CCNG1: variants seen among roughly 807,000 people sequenced by gnomAD.
The protein encoded by CCNG1 is cyclin-G1.
In CCNG1, 13 loss-of-function variants were observed where a neutral mutation model predicts 30.0. The ratio of observed to expected loss-of-function variants is 0.43; its 90% CI spans 0.28 to 0.69. CCNG1 has a LOEUF of 0.69. CCNG1 is among the 30% of genes least tolerant of loss of function. The probability of loss-of-function intolerance (pLI) is 0.16; values close to 1 mark genes in which losing one functional copy is unlikely to be tolerated. For synonymous variants in CCNG1, 110 were observed against 121.5 expected, an observed-to-expected ratio of 0.91 and a Z score of 0.62; for missense variants, 285 against 331.4, an observed-to-expected ratio of 0.86 and a Z score of 1.09.
chr5:163,441,464 T>G lies in CCNG1; in HGVS notation c.518+133T>G, dbSNP rs1184381783. On this transcript the variant is annotated intron_variant, in intron 3 of 6. Transcript: ENST00000340828. ...ATGACAGCTGTGGCTCCTTGAACTT[T>G]AATGTCCATCATAAGTGAGAAAATG... 3 of 785,106 alleles carry G rather than the reference T, an allele frequency of 3.8e-6. No homozygotes were observed. The Admixed American group carries it at 9.6e-5, about 25-fold the overall frequency. The allele number at this position is 785,106 out of a possible 1,614,324, so 48.6% of individuals were successfully genotyped here.
intron 2 of CCNG1, 85 bp from the exon 3 acceptor site, chr5:163,440,993 G>GGGTC: frequency 7.3e-7 from 1 of 1,361,962 alleles, no homozygotes; most frequent in South Asian, 1.4e-5. Context: ...TCAAAATGTT[G>GGGTC]GGTCGGAGTT....
chr5:163,445,326 G>A (rs1279963046), downstream of CCNG1, among the ~76,000 whole-genome samples: 1 of 142,322 alleles, frequency 7.0e-6, no homozygotes, highest in African/African-American at 2.6e-5. Context: ...CTGACACTTT[G>A]TTTTGTTTTT....
chr5:163,440,313 T>C (rs1757739619), intron 2 of CCNG1, among the ~76,000 whole-genome samples: 1 of 152,190 alleles, frequency 6.6e-6, no homozygotes, highest in African/African-American at 2.4e-5. Flanking sequence ...GTTGCACAAA[T>C]GAATAATATA....
At chr5:163,451,427 T>G in the CCNG1 span, 5 of 152,168 alleles carry the variant, frequency 3.3e-5, no homozygotes, top group East Asian at 9.6e-4. Flanking sequence ...CGAGAGTTTT[T>G]ACGGTGATTG....
Position 163,443,958 on chromosome 5 carries a change from C to T in CCNG1, c.*288C>T. On this transcript the variant is annotated 3_prime_UTR_variant, in exon 7 of 7. Coordinates refer to ENST00000340828, the MANE Select transcript of CCNG1 (RefSeq NM_004060.4). ...GTGAATCTTCATTTCTATCATTGAT[C>T]TAACTTTAGATATTGGATCAATATA... The T allele has an allele frequency of 4.5e-6, 2 of 445,364 alleles. No homozygotes were observed. The highest frequency in any genetic ancestry group is 4.0e-6 in the Non-Finnish European group (1 of 251,150). 27.6% of individuals were successfully genotyped at this position (445,364 alleles called of 1,614,324 possible). A position where few individuals can be genotyped will look rare whatever the true frequency, so the allele number is the denominator to read the frequency against.
the CCNG1 span, chr5:163,457,417 G>A: frequency 1.6e-6 from 1 of 612,122 alleles, no homozygotes; most frequent in East Asian, 2.8e-5. Flanking sequence ...CCCCCACTAG[G>A]TAACTTTGAC....
intron 6 of CCNG1, among the ~76,000 whole-genome samples, chr5:163,443,311 CAAAA>C (rs35396845): frequency 2.2e-5 from 2 of 90,214 alleles, no homozygotes; most frequent in Admixed American, 1.2e-4. Context: ...GACTCCGCCA[CAAAA>C]AAAAAAAAAA....
At chr5:163,442,331 A>AC in intron 5 of CCNG1, 43 bp from the exon 6 acceptor site, 1 of 1,430,238 alleles carries the variant, frequency 7.0e-7, no homozygotes, top group Non-Finnish European at 9.6e-7. Context: ...ATAAGGTGGG[A>AC]CTTACTTGGA....
At chr5:163,453,859 C>A in the CCNG1 span, 1 of 491,428 alleles carries the variant, frequency 2.0e-6, no homozygotes. Flanking sequence ...ATACATTTTG[C>A]AATCTGTTAA....
the CCNG1 span, chr5:163,456,839 C>T: frequency 2.1e-6 from 2 of 973,552 alleles, no homozygotes; most frequent in African/African-American, 3.4e-5. Context: ...TGTAACTTTT[C>T]ATAATGACAT....
intron 3 of CCNG1, 118 bp downstream of exon 3, chr5:163,441,449 T>G: frequency 5.6e-4 from 451 of 809,996 alleles, no homozygotes; most frequent in Non-Finnish European, 7.1e-4. Context: ...ATGACAGCTG[T>G]GGCTCCTTGA....
In CCNG1 at chr5:163,444,574, C is replaced by T. The variant is rs1337049848; in HGVS notation, c.*904C>T. 1.3e-5 allele frequency: 2 copies of T among 152,606 alleles called. No individual in the cohort carries two copies. Among genetic ancestry groups the T allele is most frequent in the African/African-American group, 4.8e-5 (2 of 41,432 alleles). 9.5% of individuals were successfully genotyped at this position (152,606 alleles called of 1,614,324 possible). ...GGCAATTTTATAAATAGAGAATATA[C>T]TTCCACTGATGCCCTTACTGTGCCA... is the stretch of plus-strand genomic sequence containing the variant. On this transcript the variant is annotated 3_prime_UTR_variant, in exon 7 of 7. Coordinates refer to ENST00000340828, the MANE Select transcript of CCNG1 (RefSeq NM_004060.4).
chr5:163,438,132 C>T (rs957606157), intron 1 of CCNG1, among the ~76,000 whole-genome samples: 17 of 152,212 alleles, frequency 1.1e-4, no homozygotes, highest in African/African-American at 2.6e-4. Context: ...TCCATGTATC[C>T]AGGGCTTAGC....
At chr5:163,454,658 G>T in the CCNG1 span, among the ~76,000 whole-genome samples, 3 of 152,220 alleles carry the variant, frequency 2.0e-5, no homozygotes, top group South Asian at 6.2e-4. Context: ...AGCATTTTTT[G>T]AGAGCTTTCT....
rs1362062789 is a variant in CCNG1 at position 163,441,330 on chromosome 5, AG to A, written c.518+1del. ...SLLQENLPLERRNSINFERLE... is the reference protein window; with the variant it reads ...SLLQENLPLEXRNSINFERLE... ...CCTTCAAGAGAACTTGCCACTTGAA[AG>A]GTAAGTGACCTTTGTTTTGAACAAG... is the stretch of plus-strand genomic sequence containing the variant. On this transcript the variant is annotated frameshift_variant and splice_region_variant, in exon 3 of 7. Coordinates refer to ENST00000340828, the MANE Select transcript of CCNG1 (RefSeq NM_004060.4). LOFTEE classifies it high-confidence loss of function. 1.9e-6 allele frequency: 3 copies of A among 1,613,024 alleles called. No individual in the cohort carries two copies. The highest frequency in any genetic ancestry group is 1.7e-5 in the Admixed American group (1 of 59,928).
chr5:163,444,027 C>T lies in CCNG1; in HGVS notation c.*357C>T, dbSNP rs992278729. On this transcript the variant is annotated 3_prime_UTR_variant, in exon 7 of 7. Coordinates refer to ENST00000340828, the MANE Select transcript of CCNG1 (RefSeq NM_004060.4). ...TGCTATTGGAGGAGTCACACTAATA[C>T]TATCAACTATCAGTCTTCCCACAGC... 8.1e-6 allele frequency: 2 copies of T among 248,062 alleles called. No homozygotes were observed. The highest frequency in any genetic ancestry group is 1.5e-5 in the Non-Finnish European group (2 of 130,036). The allele number at this position is 248,062 out of a possible 1,614,324, so 15.4% of individuals were successfully genotyped here.
chr5:163,451,449 ACT>A, the CCNG1 span: 5 of 152,162 alleles, frequency 3.3e-5, no homozygotes, highest in Non-Finnish European at 5.9e-5. Flanking sequence ...ACTCTTCAAT[ACT>A]CTGACTGTGG....
chr5:163,456,806 TA>T, the CCNG1 span: 7 of 795,520 alleles, frequency 8.8e-6, no homozygotes, highest in Non-Finnish European at 1.3e-5. Flanking sequence ...CAATTCACTT[TA>T]AAAATTCTTC....
At chr5:163,457,100 A>C in the CCNG1 span, 34 of 1,558,244 alleles carry the variant, frequency 2.2e-5, 2 homozygotes, top group South Asian at 2.7e-4. Flanking sequence ...AAACACACAC[A>C]CACACACGCA....
Sources: gnomAD v4.1 joint callset for allele counts (sites outside exome capture counted in the v4.1 genomes callset) on GRCh38, gnomAD v4.1.1 for gene constraint, MANE v1.5 for transcripts, NCBI Gene and HGNC (gene_info 2026-07-23, HGNC 2026-07-21) for gene names.